SFMBT1: variants seen among roughly 807,000 people sequenced by gnomAD.
SFMBT1 encodes the protein Scm like with four mbt domains 1, also known as scm-like with four MBT domains protein 1.
SFMBT1 carries 32 observed loss-of-function variants against 108.7 expected under a neutral mutation model. That is an observed-to-expected ratio of 0.29 (90% confidence interval 0.22 to 0.40). The LOEUF (loss-of-function observed/expected upper bound fraction) is 0.40, where lower values mean the gene tolerates loss of function less well. Ranked by LOEUF, SFMBT1 falls within the 10% of genes least tolerant of loss-of-function variation. SFMBT1 has a pLI of 1.00. For missense variants in SFMBT1, 816 were observed against 1,059.6 expected, an observed-to-expected ratio of 0.77 and a Z score of 3.19; for synonymous variants, 348 against 369.5, an observed-to-expected ratio of 0.94 and a Z score of 0.67.
chr3:52,936,893 CTT>C (rs5848969), intron 4 of SFMBT1, among the ~76,000 whole-genome samples: 525 of 114,974 alleles, frequency 4.6e-3, no homozygotes, highest in African/African-American at 0.013. Flanking sequence ...TTACACATTT[CTT>C]TTTTTTTTTT....
intron 1 of SFMBT1, among the ~76,000 whole-genome samples, chr3:53,039,175 T>A (rs767258148): frequency 6.6e-6 from 1 of 152,216 alleles, no homozygotes; most frequent in Non-Finnish European, 1.5e-5. Context: ...TAGGCTCTGC[T>A]GGGCACATAC....
chr3:52,931,999 T>C (rs918369698), intron 6 of SFMBT1, 63 bp downstream of exon 6: 73 of 1,541,314 alleles, frequency 4.7e-5, no homozygotes, highest in Middle Eastern at 1.7e-4. Flanking sequence ...TTTTTCAGCC[T>C]CATAGATATT....
intron 8 of SFMBT1, among the ~76,000 whole-genome samples, chr3:52,928,665 CATATAT>C (rs1277066222): frequency 8.7e-4 from 34 of 39,170 alleles, no homozygotes; most frequent in South Asian, 3.3e-3. Flanking sequence ...CACATATATA[CATATAT>C]ACACACACAC....
At chr3:53,029,032 G>C (rs996723670) in intron 1 of SFMBT1, among the ~76,000 whole-genome samples, 2 of 152,030 alleles carry the variant, frequency 1.3e-5, no homozygotes, top group African/African-American at 4.8e-5. Context: ...AATTAGCCAG[G>C]CATGGTGGCG....
intron 1 of SFMBT1, among the ~76,000 whole-genome samples, chr3:53,006,358 C>T (rs994671771): frequency 6.6e-6 from 1 of 152,074 alleles, no homozygotes; most frequent in African/African-American, 2.4e-5. Flanking sequence ...AGGCCTGGCG[C>T]GGTGGCTCAC....
At chr3:52,951,615 T>A (rs1057304400) in intron 3 of SFMBT1, among the ~76,000 whole-genome samples, 1 of 152,154 alleles carries the variant, frequency 6.6e-6, no homozygotes, top group Non-Finnish European at 1.5e-5. Flanking sequence ...GGTTTCATCA[T>A]GTTGGCCAGG....
At chr3:52,950,416 G>A (rs1310401944) in intron 3 of SFMBT1, among the ~76,000 whole-genome samples, 1 of 152,110 alleles carries the variant, frequency 6.6e-6, no homozygotes, top group African/African-American at 2.4e-5. Context: ...ATGTAAGCAT[G>A]CCTTAGCATA....
At chr3:52,920,742 G>A (rs1051839194) in intron 11 of SFMBT1, 92 bp from the exon 12 acceptor site, 2 of 715,962 alleles carry the variant, frequency 2.8e-6, no homozygotes, top group African/African-American at 3.6e-5. Context: ...TCTAGATAAT[G>A]TTCTACTCTT....
chr3:52,910,848 A>T (rs1173871626), intron 17 of SFMBT1, among the ~76,000 whole-genome samples, 155 bp downstream of exon 17: 3 of 152,252 alleles, frequency 2.0e-5, no homozygotes, highest in African/African-American at 7.2e-5. Flanking sequence ...GACAGAAAGC[A>T]TATGACCCAC....
At chr3:52,935,192 A>G (rs1702970446) in intron 4 of SFMBT1, among the ~76,000 whole-genome samples, 1 of 152,220 alleles carries the variant, frequency 6.6e-6, no homozygotes, top group African/African-American at 2.4e-5. Context: ...TTTATGATGG[A>G]AACTTTCAAA....
chr3:52,992,976 G>C (rs1445043175), intron 1 of SFMBT1, among the ~76,000 whole-genome samples: 2 of 152,116 alleles, frequency 1.3e-5, no homozygotes, highest in Admixed American at 6.5e-5. Context: ...CAGCTATTTA[G>C]ATAGAATTGG....
At chr3:53,034,436 G>C (rs1009672670) in intron 1 of SFMBT1, among the ~76,000 whole-genome samples, 23 of 151,876 alleles carry the variant, frequency 1.5e-4, no homozygotes, top group African/African-American at 2.4e-4. Context: ...AATTAGCTGG[G>C]TGTGGTGGTG....
chr3:52,953,839 G>T lies in SFMBT1; in HGVS notation c.123+478C>A, dbSNP rs116611999. ...AAAACCAAAAAGGATTTTAGAATATGGCAAGTGTGACCAGGCACAGTGGCT... is the reference window on the plus strand; with the variant it reads ...AAAACCAAAAAGGATTTTAGAATATTGCAAGTGTGACCAGGCACAGTGGCT... On this transcript the variant is annotated intron_variant, in intron 3 of 20. Coordinates refer to ENST00000394752, the MANE Select transcript of SFMBT1 (RefSeq NM_016329.4). 9.0e-3 allele frequency among the ~76,000 whole-genome samples: 1,368 copies of T among 152,140 alleles called. 16 individuals are homozygous for T. The highest frequency in any genetic ancestry group is 0.031 in the African/African-American group (1,280 of 41,512).
Position 53,002,868 on chromosome 3 carries a change from G to A in SFMBT1, c.-130-33610C>T, listed in dbSNP as rs147191373. ...ACTGATAGTTACATGAAGATGTCTA[G>A]TTATTGGGTGTTTTCCCCCGCTCTC... is the stretch of plus-strand genomic sequence containing the variant. On this transcript the variant is annotated intron_variant, in intron 1 of 20. Coordinates refer to ENST00000394752, the MANE Select transcript of SFMBT1 (RefSeq NM_016329.4). Among the ~76,000 whole-genome samples, 350 of 150,428 alleles carry A rather than the reference G, an allele frequency of 2.3e-3. 13 individuals carry two copies. Among genetic ancestry groups the A allele is most frequent in the African/African-American group, 7.4e-3 (308 of 41,376 alleles).
intron 1 of SFMBT1, among the ~76,000 whole-genome samples, chr3:52,973,187 A>T (rs914903077): frequency 6.6e-6 from 1 of 152,168 alleles, no homozygotes; most frequent in Middle Eastern, 3.2e-3. Flanking sequence ...ACTGCATTCT[A>T]GCCTGGGCAA....
intron 1 of SFMBT1, among the ~76,000 whole-genome samples, chr3:53,007,465 G>C (rs558252160): frequency 9.2e-5 from 14 of 152,192 alleles, no homozygotes; most frequent in African/African-American, 3.4e-4. Flanking sequence ...CCACACATAT[G>C]AGTACCTACA....
At chr3:53,027,932 C>A (rs1699552794) in intron 1 of SFMBT1, among the ~76,000 whole-genome samples, 1 of 152,148 alleles carries the variant, frequency 6.6e-6, no homozygotes, top group Admixed American at 6.5e-5. Context: ...TAAATAACTC[C>A]CACAAGCTTA....
At chr3:52,962,898 C>G (rs71617203) in intron 2 of SFMBT1, among the ~76,000 whole-genome samples, 6,456 of 147,286 alleles carry the variant, frequency 0.044, 250 homozygotes, top group Non-Finnish European at 0.06. Context: ...TAAAAATGAA[C>G]AACAGGAGAA....
Position 52,913,469 on chromosome 3 carries a change from G to C in SFMBT1, c.1620+9C>G, listed in dbSNP as rs1702264606. On this transcript the variant is annotated intron_variant, in intron 15 of 20. Coordinates refer to ENST00000394752, the MANE Select transcript of SFMBT1 (RefSeq NM_016329.4). Reference sequence around the variant, plus strand: ...TTCCAAGTTATTTTGCTCTAGGCCAGAACCTTACCTCTCTAAGGACCAGAA... The same window carrying C: ...TTCCAAGTTATTTTGCTCTAGGCCACAACCTTACCTCTCTAAGGACCAGAA... 6.2e-7 allele frequency: 1 copy of C among 1,610,256 alleles called. No homozygotes were observed.
Sources: allele counts gnomAD v4.1 joint callset (sites outside exome capture counted in the v4.1 genomes callset), GRCh38; gene constraint gnomAD v4.1.1; transcripts MANE v1.5; gene names NCBI Gene and HGNC (gene_info 2026-07-23, HGNC 2026-07-21).